OR10Z1: variants seen among roughly 807,000 people sequenced by gnomAD.
OR10Z1 encodes olfactory receptor 10Z1.
For synonymous variants in OR10Z1, 187 were observed against 151.2 expected (o/e 1.24, Z -1.74); for missense variants, 468 against 371.0 (o/e 1.26, Z -2.15).
In OR10Z1 at chr1:158,607,338, T is replaced by C. The variant is rs775121290; in HGVS notation, c.900T>C (p.Ala300=). 1 of 1,613,666 alleles carries C rather than the reference T, an allele frequency of 6.2e-7. No homozygotes were observed. The highest frequency in any genetic ancestry group is 8.5e-7 in the Non-Finnish European group (1 of 1,179,740). Residue 300 remains alanine, a synonymous_variant, in exon 2 of 2, where the codon GCT becomes GCC. Transcript: ENST00000641002. ...YSLRNRAIQT[A]LRNAFRGRLL... Reference sequence around the variant, plus strand: ...TAAGGAATAGGGCTATACAGACAGCTCTGAGGAATGCTTTCAGAGGGAGAT... The same window carrying C: ...TAAGGAATAGGGCTATACAGACAGCCCTGAGGAATGCTTTCAGAGGGAGAT...
chr1:158,611,446 T>A lies in OR10Z1; in HGVS notation c.*4066T>A. Reference sequence around the variant, plus strand: ...ATAGGGATTCAAAATAGCTGGTTCCTTGGGGCTTCCCATATTACGCCATAA... The same window carrying A: ...ATAGGGATTCAAAATAGCTGGTTCCATGGGGCTTCCCATATTACGCCATAA... On this transcript the variant is annotated 3_prime_UTR_variant, in exon 2 of 2. Transcript: ENST00000641002. 1 of 1,606,252 alleles carries A rather than the reference T, an allele frequency of 6.2e-7. No homozygotes were observed. Among genetic ancestry groups the A allele is most frequent in the South Asian group, 1.1e-5 (1 of 90,648 alleles).
chr1:158,611,503 A>G lies in OR10Z1; in HGVS notation c.*4123A>G, dbSNP rs1649259652. 4.0e-6 allele frequency: 5 copies of G among 1,240,410 alleles called. No individual in the cohort carries two copies. Among genetic ancestry groups the G allele is most frequent in the African/African-American group, 1.5e-5 (1 of 65,662 alleles). The allele number at this position is 1,240,410 out of a possible 1,614,324, so 76.8% of individuals were successfully genotyped here. ...GAGATGGAGAGTCTCTGGAAGACGC[A>G]AGCCCTATTTCTATTACACACAATT... On this transcript the variant is annotated 3_prime_UTR_variant, in exon 2 of 2. Coordinates refer to ENST00000641002, the MANE Select transcript of OR10Z1 (RefSeq NM_001004478.2).
rs1278042772 is a variant in OR10Z1, at chr1:158,605,962, TA to T, written c.-113-363del. Among the ~76,000 whole-genome samples the T allele has an allele frequency of 3.3e-5, 5 of 152,366 alleles. No individual in the cohort carries two copies. The East Asian group carries it at 9.6e-4, about 29-fold the overall frequency. ...AACGTATATGTGGTGTGTGTATCTTTATATGTGATGTGTGTATCTACGAATT... is the reference window on the plus strand; with the variant it reads ...AACGTATATGTGGTGTGTGTATCTTTTATGTGATGTGTGTATCTACGAATT... On this transcript the variant is annotated intron_variant, in intron 1 of 1. Transcript: ENST00000641002.
chr1:158,609,977 T>C lies in OR10Z1; in HGVS notation c.*2597T>C, dbSNP rs775268820. The C allele has an allele frequency of 1.3e-5, 2 of 152,186 alleles. No individual in the cohort carries two copies. The highest frequency in any genetic ancestry group is 2.9e-5 in the Non-Finnish European group (2 of 68,018). 9.4% of individuals were successfully genotyped at this position (152,186 alleles called of 1,614,324 possible). On this transcript the variant is annotated 3_prime_UTR_variant, in exon 2 of 2. Coordinates refer to ENST00000641002, the MANE Select transcript of OR10Z1 (RefSeq NM_001004478.2). ...TTCGATGGCCTATATCTTTTCTAAC[T>C]GTACTATTTTTGGTAACTTATAATC...
rs1224525021 is a variant in OR10Z1 at position 158,610,011 on chromosome 1, T to C, written c.*2631T>C. 1.3e-5 allele frequency: 2 copies of C among 152,218 alleles called. No individual in the cohort carries two copies. The highest frequency in any genetic ancestry group is 2.1e-4 in the South Asian group (1 of 4,836). 9.4% of individuals were successfully genotyped at this position (152,218 alleles called of 1,614,324 possible). A position where few individuals can be genotyped will look rare whatever the true frequency, so the allele number is the denominator to read the frequency against. ...TTTGGTAACTTATAATCAGGCAATT[T>C]AGACATTTGTGAACATTAATTTTGA... On this transcript the variant is annotated 3_prime_UTR_variant, in exon 2 of 2. Transcript: ENST00000641002.
Position 158,611,064 on chromosome 1 carries a change from C to T in OR10Z1, c.*3684C>T, listed in dbSNP as rs1049133463. The stretch of plus-strand genomic sequence containing the variant: ...CTTCCACTCCTCCAACTCTATTAAC[C>T]TTTCTATCTCCCACCCTTGAGATTT... On this transcript the variant is annotated 3_prime_UTR_variant, in exon 2 of 2. Coordinates refer to ENST00000641002, the MANE Select transcript of OR10Z1 (RefSeq NM_001004478.2). 29 of 689,938 alleles carry T rather than the reference C, an allele frequency of 4.2e-5. No homozygotes were observed. In the Admixed American group the frequency reaches 6.7e-4, roughly 16 times the overall value. 42.7% of individuals were successfully genotyped at this position (689,938 alleles called of 1,614,324 possible). A position where few individuals can be genotyped will look rare whatever the true frequency, so the allele number is the denominator to read the frequency against.
rs1461725086 is a variant in OR10Z1 at position 158,608,488 on chromosome 1, A to G, written c.*1108A>G. ...GGTGACTAAACAGGATCATGCATAC[A>G]AAGAATTTAGCACAACCCTTGGATC... is the stretch of plus-strand genomic sequence containing the variant. On this transcript the variant is annotated 3_prime_UTR_variant, in exon 2 of 2. Transcript: ENST00000641002. 6.6e-6 allele frequency: 1 copy of G among 152,186 alleles called. No individual in the cohort carries two copies. The highest frequency in any genetic ancestry group is 2.4e-5 in the African/African-American group (1 of 41,450). The allele number at this position is 152,186 out of a possible 1,614,324, so 9.4% of individuals were successfully genotyped here.
rs369728339 is a variant in OR10Z1, at chr1:158,606,736, C to T, written c.298C>T (p.Gln100Ter). ...TATCTCCTATGTGGGCTGTGCTGCCCAGATGTTCTTTTCTGCCTCATGGGC... is the reference window on the plus strand; with the variant it reads ...TATCTCCTATGTGGGCTGTGCTGCCTAGATGTTCTTTTCTGCCTCATGGGC... ...QAISYVGCAA[Q>*]MFFSASWACT... is the part of the protein sequence containing the mutation. Residue 100 changes from glutamine (Q) to a stop codon, truncating the protein, a stop_gained, in exon 2 of 2, where the codon CAG (glutamine) becomes TAG (stop). Transcript: ENST00000641002. LOFTEE classifies it low-confidence loss of function (END_TRUNC). 38 of 1,614,050 alleles carry T rather than the reference C, an allele frequency of 2.4e-5. No individual in the cohort carries two copies. In the African/African-American group the frequency reaches 4.5e-4, roughly 19 times the overall value.
Position 158,606,911 on chromosome 1 carries a change from G to A in OR10Z1, c.473G>A (p.Gly158Glu), listed in dbSNP as rs1221502128. The A allele has an allele frequency of 1.2e-6, 2 of 1,613,858 alleles. No homozygotes were observed. The highest frequency in any genetic ancestry group is 3.3e-5 in the Admixed American group (2 of 59,954). The change falls in exon 2 of 2, where the codon GGA (glycine) becomes GAA (glutamate). Residue 158 changes from glycine (G) to glutamate (E), a missense_variant. Transcript: ENST00000641002. The stretch of plus-strand genomic sequence containing the variant: ...CTGACTGGATACCTCTTTGGACTGG[G>A]AATGACACTAGTTATTTTCCACCTC... ...SFLTGYLFGL[G>E]MTLVIFHLSF... is the part of the protein sequence containing the mutation.
Position 158,611,765 on chromosome 1 carries a change from C to G in OR10Z1, c.*4385C>G, listed in dbSNP as rs867827634. 2 of 231,058 alleles carry G rather than the reference C, an allele frequency of 8.7e-6. No individual in the cohort carries two copies. Among genetic ancestry groups the G allele is most frequent in the African/African-American group, 2.3e-5 (1 of 42,622 alleles). 14.3% of individuals were successfully genotyped at this position (231,058 alleles called of 1,614,324 possible). On this transcript the variant is annotated 3_prime_UTR_variant, in exon 2 of 2. Coordinates refer to ENST00000641002, the MANE Select transcript of OR10Z1 (RefSeq NM_001004478.2). ...TGTTTTATGAGTAAGGTAAAATACT[C>G]AAGAAGGTAGAATAACTCACCAGTG...
Position 158,608,639 on chromosome 1 carries a change from G to A in OR10Z1, c.*1259G>A, listed in dbSNP as rs1203348832. 5 of 152,160 alleles carry A rather than the reference G, an allele frequency of 3.3e-5. No individual in the cohort carries two copies. The highest frequency in any genetic ancestry group is 1.9e-4 in the East Asian group (1 of 5,184). 9.4% of individuals were successfully genotyped at this position (152,160 alleles called of 1,614,324 possible). On this transcript the variant is annotated 3_prime_UTR_variant, in exon 2 of 2. Transcript: ENST00000641002. ...CAGAGAAGACTTCATGTCTTAAATA[G>A]TATCTGAACTTGTTCCTAAAGGATG...
In OR10Z1 at chr1:158,609,499, G is replaced by A. The variant is rs928962272; in HGVS notation, c.*2119G>A. On this transcript the variant is annotated 3_prime_UTR_variant, in exon 2 of 2. Coordinates refer to ENST00000641002, the MANE Select transcript of OR10Z1 (RefSeq NM_001004478.2). ...GCATAACATTGACTAAATGCACAGT[G>A]ACGAATGGTTAGTAAGGATGTTTCA... The A allele has an allele frequency of 6.6e-6, 1 of 152,138 alleles. No individual in the cohort carries two copies. Among genetic ancestry groups the A allele is most frequent in the African/African-American group, 2.4e-5 (1 of 41,430 alleles). The allele number at this position is 152,138 out of a possible 1,614,324, so 9.4% of individuals were successfully genotyped here. A position where few individuals can be genotyped will look rare whatever the true frequency, so the allele number is the denominator to read the frequency against.
Position 158,606,995 on chromosome 1 carries a change from G to A in OR10Z1, c.557G>A (p.Ser186Asn). 1.2e-6 allele frequency: 2 copies of A among 1,614,026 alleles called. No individual in the cohort carries two copies. Among genetic ancestry groups the A allele is most frequent in the Non-Finnish European group, 1.7e-6 (2 of 1,179,974 alleles). ...HFFCDTPPVLSLACGDTGPSE... is the reference protein window; with the variant it reads ...HFFCDTPPVLNLACGDTGPSE... ...TTTTGTGACACGCCACCTGTGCTGA[G>A]CCTAGCCTGTGGAGATACAGGCCCG... Residue 186 changes from serine (S) to asparagine (N), a missense_variant, in exon 2 of 2, where the codon AGC (serine) becomes AAC (asparagine). Coordinates refer to ENST00000641002, the MANE Select transcript of OR10Z1 (RefSeq NM_001004478.2).
Position 158,606,571 on chromosome 1 carries a change from A to C in OR10Z1, c.133A>C (p.Ile45Leu), listed in dbSNP as rs143673822. Residue 45 changes from isoleucine (I) to leucine (L), a missense_variant, in exon 2 of 2, where the codon ATT becomes CTT. Physicochemically the swap from Ile to Leu is conservative, Grantham distance 5. Coordinates refer to ENST00000641002, the MANE Select transcript of OR10Z1 (RefSeq NM_001004478.2). ...YLVTLTSNVF[I>L]IIAIRLDSHL... is the part of the protein sequence containing the mutation. Reference sequence around the variant, plus strand: ...AGTCACTCTGACCAGCAATGTCTTCATTATCATAGCCATCAGGCTGGATAG... The same window carrying C: ...AGTCACTCTGACCAGCAATGTCTTCCTTATCATAGCCATCAGGCTGGATAG... 17 of 1,613,872 alleles carry C rather than the reference A, an allele frequency of 1.1e-5. No homozygotes were observed. Among genetic ancestry groups the C allele is most frequent in the Non-Finnish European group, 1.4e-5 (16 of 1,179,920 alleles).
rs188239318 is a variant in OR10Z1, at chr1:158,612,440, T to C, written c.*5060T>C. 786 of 290,318 alleles carry C rather than the reference T, an allele frequency of 2.7e-3. 2 individuals are homozygous for C. Among genetic ancestry groups the C allele is most frequent in the Admixed American group, 4.0e-3 (82 of 20,666 alleles). The allele number at this position is 290,318 out of a possible 1,614,324, so 18.0% of individuals were successfully genotyped here. On this transcript the variant is annotated 3_prime_UTR_variant, in exon 2 of 2. Transcript: ENST00000641002. ...TGCTTCTGTTACAGTGTTTTTAACTTGTAAAGTTCTGTCTTCCCCACTACA... is the reference window on the plus strand; with the variant it reads ...TGCTTCTGTTACAGTGTTTTTAACTCGTAAAGTTCTGTCTTCCCCACTACA...
Position 158,607,268 on chromosome 1 carries a change from C to T in OR10Z1, c.830C>T (p.Thr277Ile), listed in dbSNP as rs767118989. Residue 277 changes from threonine (T) to isoleucine (I), a missense_variant, in exon 2 of 2, where the codon ACC becomes ATC. Coordinates refer to ENST00000641002, the MANE Select transcript of OR10Z1 (RefSeq NM_001004478.2). The part of the protein sequence containing the change: ...SLERDQLIAM[T>I]YTVVTPLLNP... ...GAGAGAGATCAGCTTATTGCCATGA[C>T]CTATACTGTAGTGACCCCCCTCCTT... is the stretch of plus-strand genomic sequence containing the variant. The T allele has an allele frequency of 1.4e-5, 22 of 1,613,872 alleles. No homozygotes were observed. Among genetic ancestry groups the T allele is most frequent in the Non-Finnish European group, 1.7e-5 (20 of 1,179,878 alleles).
At position 158,610,958 on chromosome 1, in the gene OR10Z1, A is replaced by G; in HGVS notation, c.*3578A>G. ...TATTCTATAATCGGAATAAAGCAAA[A>G]TGATAAAGACGTGCAAAACAGAACA... On this transcript the variant is annotated 3_prime_UTR_variant, in exon 2 of 2. Coordinates refer to ENST00000641002, the MANE Select transcript of OR10Z1 (RefSeq NM_001004478.2). The G allele has an allele frequency of 3.5e-6, 1 of 282,524 alleles. No individual in the cohort carries two copies. The highest frequency in any genetic ancestry group is 4.6e-5 in the South Asian group (1 of 21,884). The allele number at this position is 282,524 out of a possible 1,614,324, so 17.5% of individuals were successfully genotyped here. A position where few individuals can be genotyped will look rare whatever the true frequency, so the allele number is the denominator to read the frequency against.
In OR10Z1 at chr1:158,607,203, T is replaced by TC. The variant is rs756819109; in HGVS notation, c.765_766insC (p.Ser256LeufsTer14). On this transcript the variant is annotated frameshift_variant, in exon 2 of 2. Coordinates refer to ENST00000641002, the MANE Select transcript of OR10Z1 (RefSeq NM_001004478.2). LOFTEE classifies it low-confidence loss of function (END_TRUNC). Reference sequence around the variant, plus strand: ...TGGTCATTATTCATTATGGCTGTGCTTCCTTCGTGTACCTGAGGCCCAAAG... The same window carrying TC: ...TGGTCATTATTCATTATGGCTGTGCTCTCCTTCGTGTACCTGAGGCCCAAAG... 1 of 1,613,980 alleles carries TC rather than the reference T, an allele frequency of 6.2e-7. No individual in the cohort carries two copies. Among genetic ancestry groups the TC allele is most frequent in the African/African-American group, 1.3e-5 (1 of 74,926 alleles).
At position 158,610,185 on chromosome 1, in the gene OR10Z1, G is replaced by A. The variant is rs1468322579; in HGVS notation, c.*2805G>A. The A allele has an allele frequency of 6.6e-6, 1 of 152,124 alleles. No individual in the cohort carries two copies. The highest frequency in any genetic ancestry group is 1.5e-5 in the Non-Finnish European group (1 of 68,010). 9.4% of individuals were successfully genotyped at this position (152,124 alleles called of 1,614,324 possible). ...AGGCTCCTATGACAGGATTTGTCCTGCACAGATTCATTTCTATGCAGAGGA... is the reference window on the plus strand; with the variant it reads ...AGGCTCCTATGACAGGATTTGTCCTACACAGATTCATTTCTATGCAGAGGA... On this transcript the variant is annotated 3_prime_UTR_variant, in exon 2 of 2. Transcript: ENST00000641002.
Sources: gnomAD v4.1 joint callset for allele counts (sites outside exome capture counted in the v4.1 genomes callset) on GRCh38, gnomAD v4.1.1 for gene constraint, MANE v1.5 for transcripts, NCBI Gene and HGNC (gene_info 2026-07-23, HGNC 2026-07-21) for gene names.